TMEM9B: variants seen among roughly 807,000 people sequenced by gnomAD.
TMEM9B encodes the protein TMEM9 domain family member B.
In TMEM9B, 8 loss-of-function variants were observed where a neutral mutation model predicts 23.5. The ratio of observed to expected loss-of-function variants is 0.34; its 90% CI spans 0.20 to 0.61. TMEM9B has a LOEUF of 0.61. Among genes scored for constraint, TMEM9B ranks in the 20% least tolerant of loss-of-function variants. The probability of loss-of-function intolerance (pLI) is 0.78; values close to 1 mark genes in which losing one functional copy is unlikely to be tolerated. For missense variants in TMEM9B, 197 were observed against 252.3 expected (o/e 0.78, Z 1.49); for synonymous variants, 106 against 96.3 (o/e 1.10, Z -0.59).
intron 2 of TMEM9B, among the ~76,000 whole-genome samples, chr11:8,961,675 T>G (rs1335570812): frequency 1.3e-5 from 2 of 152,240 alleles, no homozygotes; most frequent in African/African-American, 4.8e-5. Context: ...CTTTTAAACA[T>G]AGCTTCCCAT....
At chr11:8,962,220 G>T in intron 1 of TMEM9B, 37 bp from the exon 2 acceptor site, 2 of 1,341,454 alleles carry the variant, frequency 1.5e-6, no homozygotes, top group Non-Finnish European at 2.1e-6. Context: ...TGCGTTGACA[G>T]TTTATCATCA....
intron 3 of TMEM9B, among the ~76,000 whole-genome samples, 153 bp from the exon 4 acceptor site, chr11:8,953,490 C>T (rs1853920283): frequency 7.6e-6 from 1 of 131,980 alleles, no homozygotes; most frequent in African/African-American, 2.7e-5. Context: ...CAACTCTTCA[C>T]CAAAGTATTA....
chr11:8,947,334 G>A lies in TMEM9B; in HGVS notation c.*986C>T, dbSNP rs1566119958. 3.9e-5 allele frequency: 1 copy of A among 25,878 alleles called. No individual in the cohort carries two copies. Among genetic ancestry groups the A allele is most frequent in the African/African-American group, 1.0e-4 (1 of 9,692 alleles). 1.6% of individuals were successfully genotyped at this position (25,878 alleles called of 1,614,324 possible). ...ATTTTTATTGTTACATTCCAAAGAG[G>A]ACATAGGAAGAAAAAAGCCAGTTAT... On this transcript the variant is annotated 3_prime_UTR_variant, in exon 5 of 5. Transcript: ENST00000534025.
rs1051847705 is a variant in TMEM9B, at chr11:8,948,215, G to A, written c.*105C>T. ...TCCAGTTTTGAATCTTCCAGCAACA[G>A]TTGGTGAAATCAACAAGGTATTAAA... On this transcript the variant is annotated 3_prime_UTR_variant, in exon 5 of 5. Transcript: ENST00000534025. 6.5e-6 allele frequency: 9 copies of A among 1,386,196 alleles called. No individual in the cohort carries two copies. The Admixed American group carries it at 1.2e-4, about 19-fold the overall frequency. The allele number at this position is 1,386,196 out of a possible 1,614,324, so 85.9% of individuals were successfully genotyped here.
At position 8,964,040 on chromosome 11, in the gene TMEM9B, C is replaced by A. The variant is rs1589950200; in HGVS notation, c.105+169G>T. On this transcript the variant is annotated intron_variant, in intron 1 of 4. Coordinates refer to ENST00000534025, the MANE Select transcript of TMEM9B (RefSeq NM_020644.3). Reference sequence around the variant, plus strand: ...TCGGGGCTGAGGGCGAGAGTGCCGCCGGGCAGTCGGGAGGGGCGGGGCTGG... The same window carrying A: ...TCGGGGCTGAGGGCGAGAGTGCCGCAGGGCAGTCGGGAGGGGCGGGGCTGG... 3.8e-5 allele frequency: 23 copies of A among 605,970 alleles called. No homozygotes were observed. In the South Asian group the frequency reaches 4.6e-4, roughly 12 times the overall value. 37.5% of individuals were successfully genotyped at this position (605,970 alleles called of 1,614,324 possible). A position where few individuals can be genotyped will look rare whatever the true frequency, so the allele number is the denominator to read the frequency against.
chr11:8,950,022 C>T (rs971426124), intron 4 of TMEM9B, among the ~76,000 whole-genome samples: 3 of 151,724 alleles, frequency 2.0e-5, no homozygotes, highest in African/African-American at 7.3e-5. Context: ...CCTCAGCGTC[C>T]CAAGTAGCTG....
intron 2 of TMEM9B, 125 bp from the exon 3 acceptor site, chr11:8,956,423 A>C: frequency 3.1e-6 from 2 of 654,300 alleles, no homozygotes; most frequent in East Asian, 2.8e-5. Context: ...AAAAACAAAT[A>C]ATCAATAAGA....
intron 4 of TMEM9B, among the ~76,000 whole-genome samples, chr11:8,951,745 G>A (rs1368188429): frequency 4.0e-5 from 6 of 148,288 alleles, no homozygotes; most frequent in South Asian, 2.1e-4. Flanking sequence ...GCAACAGAGC[G>A]AGACTGCGTC....
In TMEM9B at chr11:8,952,985, C is replaced by A. The variant is rs1056792374; in HGVS notation, c.441+218G>T. 6.3e-6 allele frequency: 4 copies of A among 636,298 alleles called. No homozygotes were observed. The African/African-American group carries it at 7.3e-5, about 12-fold the overall frequency. 39.4% of individuals were successfully genotyped at this position (636,298 alleles called of 1,614,324 possible). A position where few individuals can be genotyped will look rare whatever the true frequency, so the allele number is the denominator to read the frequency against. Reference sequence around the variant, plus strand: ...TGAAAGCAAGGCCCTGTATAGCATGCTCACCAAAGATCATCGTTTAAATCA... The same window carrying A: ...TGAAAGCAAGGCCCTGTATAGCATGATCACCAAAGATCATCGTTTAAATCA... On this transcript the variant is annotated intron_variant, in intron 4 of 4. Coordinates refer to ENST00000534025, the MANE Select transcript of TMEM9B (RefSeq NM_020644.3).
chr11:8,951,732 G>T (rs1053775815), intron 4 of TMEM9B, among the ~76,000 whole-genome samples: 159 of 150,682 alleles, frequency 1.1e-3, no homozygotes, highest in Admixed American at 1.8e-3. Context: ...CAGTCCAGCC[G>T]GGGCAACAGA....
chr11:8,960,684 CTTTT>C (rs529733160), intron 2 of TMEM9B, among the ~76,000 whole-genome samples: 3 of 141,610 alleles, frequency 2.1e-5, no homozygotes, highest in Admixed American at 7.1e-5. Flanking sequence ...TTTGAACATT[CTTTT>C]TTTTTTTTTT....
chr11:8,962,252 T>C, intron 1 of TMEM9B, 69 bp from the exon 2 acceptor site: 3 of 1,029,508 alleles, frequency 2.9e-6, no homozygotes, highest in East Asian at 2.8e-5. Context: ...AACTGTACCA[T>C]ATACATTTTG....
At position 8,964,322 on chromosome 11, in the gene TMEM9B, G is replaced by A. The variant is rs1258766322; in HGVS notation, c.-9C>T. The A allele has an allele frequency of 6.4e-7, 1 of 1,560,146 alleles. No homozygotes were observed. Among genetic ancestry groups the A allele is most frequent in the African/African-American group, 1.4e-5 (1 of 73,482 alleles). On this transcript the variant is annotated 5_prime_UTR_variant, in exon 1 of 5. Coordinates refer to ENST00000534025, the MANE Select transcript of TMEM9B (RefSeq NM_020644.3). ...CCCCACAGGGTCGCCATCGCTGGGG[G>A]CCCAGCGGTCCCACAGCCCGGAGCC...
chr11:8,962,615 C>G (rs1379679150), intron 1 of TMEM9B: 1 of 163,112 alleles, frequency 6.1e-6, no homozygotes, highest in Non-Finnish European at 1.3e-5. Flanking sequence ...TCCTTTCACC[C>G]TCTGGTAGAA....
intron 2 of TMEM9B, among the ~76,000 whole-genome samples, chr11:8,960,830 C>T (rs554091510): frequency 4.6e-5 from 7 of 151,880 alleles, no homozygotes; most frequent in African/African-American, 7.2e-5. Flanking sequence ...TACAGGCACC[C>T]GCCACCAAGC....
rs780537223 is a variant in TMEM9B at position 8,948,312 on chromosome 11, A to T, written c.*8T>A. ...TTTCTTTCTAGTCACCTTGAATTCAATTCCCAATTAGCTGAGGACAACATG... is the reference window on the plus strand; with the variant it reads ...TTTCTTTCTAGTCACCTTGAATTCATTTCCCAATTAGCTGAGGACAACATG... On this transcript the variant is annotated 3_prime_UTR_variant, in exon 5 of 5. Transcript: ENST00000534025. 3 of 1,611,936 alleles carry T rather than the reference A, an allele frequency of 1.9e-6. No homozygotes were observed. The South Asian group carries it at 3.3e-5, about 18-fold the overall frequency.
At chr11:8,956,606 A>T (rs1853979345) in intron 2 of TMEM9B, among the ~76,000 whole-genome samples, 2 of 152,218 alleles carry the variant, frequency 1.3e-5, no homozygotes, top group African/African-American at 4.8e-5. Context: ...TAACAAATCA[A>T]GTCACCTTTA....
rs141863534 is a variant in TMEM9B at position 8,949,203 on chromosome 11, T to C, written c.442-728A>G. ...AAGCACCCAGTGGCTTCCATGTAAG[T>C]TGCTGCCTTGGGAAAGAGGCTATTG... On this transcript the variant is annotated intron_variant, in intron 4 of 4. Coordinates refer to ENST00000534025, the MANE Select transcript of TMEM9B (RefSeq NM_020644.3). Among the ~76,000 whole-genome samples the C allele has an allele frequency of 2.2e-3, 337 of 152,352 alleles. 1 individual carries two copies. The highest frequency in any genetic ancestry group is 7.7e-3 in the African/African-American group (319 of 41,596).
chr11:8,952,249 T>TATACACACACAC (rs1555228002), intron 4 of TMEM9B, among the ~76,000 whole-genome samples: 7 of 122,648 alleles, frequency 5.7e-5, no homozygotes, highest in African/African-American at 2.0e-4. Context: ...GCCAACTATA[T>TATACACACACAC]ACACACACAC....
Sources: gnomAD v4.1 joint callset for allele counts (sites outside exome capture counted in the v4.1 genomes callset) on GRCh38, gnomAD v4.1.1 for gene constraint, MANE v1.5 for transcripts, NCBI Gene and HGNC (gene_info 2026-07-23, HGNC 2026-07-21) for gene names.